LACRT: variants seen among roughly 807,000 people sequenced by gnomAD.
The protein encoded by LACRT is extracellular glycoprotein lacritin.
LACRT carries 14 observed loss-of-function variants against 14.5 expected under a neutral mutation model. The ratio of observed to expected loss-of-function variants is 0.96; its 90% CI spans 0.64 to 1.51. LACRT has a LOEUF of 1.51. Ranked by LOEUF, LACRT falls within the 40% of genes most tolerant of loss-of-function variation. LACRT has a pLI of 0.00. For missense variants in LACRT, 156 were observed against 161.8 expected (o/e 0.96, Z 0.19); for synonymous variants, 70 against 63.5 (o/e 1.10, Z -0.48).
Position 54,632,354 on chromosome 12 carries a change from GGA to G in LACRT, c.138_139del (p.Pro47SerfsTer75). 1 of 1,614,148 alleles carries G rather than the reference GGA, an allele frequency of 6.2e-7. No individual in the cohort carries two copies. The highest frequency in any genetic ancestry group is 8.5e-7 in the Non-Finnish European group (1 of 1,180,012). On this transcript the variant is annotated frameshift_variant, in exon 3 of 5. Transcript: ENST00000257867. LOFTEE classifies it high-confidence loss of function. Reference sequence around the variant, plus strand: ...CTCTGGGGGTGAAGCTGGTTCTGCTGGACCTGAGATCTCTTCATTAGGCTTAG... The same window carrying G: ...CTCTGGGGGTGAAGCTGGTTCTGCTGCCTGAGATCTCTTCATTAGGCTTAG...
chr12:54,630,990 C>G (rs200691817), intron 4 of LACRT, 37 bp from the exon 5 acceptor site: 2 of 1,322,166 alleles, frequency 1.5e-6, no homozygotes, highest in Non-Finnish European at 2.2e-6. Context: ...GCTTTTAGGA[C>G]CCCAGGCACC....
chr12:54,633,724 A>G (rs1958168754), intron 1 of LACRT, among the ~76,000 whole-genome samples: 1 of 152,214 alleles, frequency 6.6e-6, no homozygotes, highest in Non-Finnish European at 1.5e-5. Context: ...AAGAGGGCAG[A>G]CAAGACCCCT....
chr12:54,634,894 A>G lies in LACRT; in HGVS notation c.-53T>C. The G allele has an allele frequency of 6.8e-7, 1 of 1,473,192 alleles. No homozygotes were observed. The highest frequency in any genetic ancestry group is 9.5e-7 in the Non-Finnish European group (1 of 1,052,174). The allele number at this position is 1,473,192 out of a possible 1,614,324, so 91.3% of individuals were successfully genotyped here. A position where few individuals can be genotyped will look rare whatever the true frequency, so the allele number is the denominator to read the frequency against. ...ACAGAATCTGCAGAAGGTCTGGGGA[A>G]TAAGGATGCTGAAATTGCTGGGCCC... On this transcript the variant is annotated 5_prime_UTR_variant, in exon 1 of 5. Transcript: ENST00000257867.
At chr12:54,634,599 G>T (rs1051442005) in intron 1 of LACRT, among the ~76,000 whole-genome samples, 185 bp downstream of exon 1, 2 of 152,164 alleles carry the variant, frequency 1.3e-5, no homozygotes, top group Admixed American at 1.3e-4. Flanking sequence ...AGAGGCCAGA[G>T]AGTTCTGGGT....
At chr12:54,631,871 G>A in intron 3 of LACRT, 32 bp from the exon 4 acceptor site, 1 of 1,496,380 alleles carries the variant, frequency 6.7e-7, no homozygotes, top group South Asian at 1.1e-5. Context: ...CACATCAGCA[G>A]AAAAATCACC....
rs199700623 is a variant in LACRT at position 54,632,287 on chromosome 12, C to T, written c.207G>A (p.Gln69=). 75 of 1,614,006 alleles carry T rather than the reference C, an allele frequency of 4.6e-5. No individual in the cohort carries two copies. The highest frequency in any genetic ancestry group is 5.8e-5 in the Non-Finnish European group (68 of 1,180,022). The change falls in exon 3 of 5, where the codon CAG becomes CAA. Residue 69 remains glutamine, a synonymous_variant. Coordinates refer to ENST00000257867, the MANE Select transcript of LACRT (RefSeq NM_033277.2). ...TAQETSAAAV[Q]GTAKVTSSRQ... ...TGCTTGAGGTGACCTTGGCTGTCCC[C>T]TGAACTGCTGCCGCCGAAGTCTCCT...
In LACRT at chr12:54,631,780, C is replaced by A. The variant is rs779129807; in HGVS notation, c.313G>T (p.Gly105Ter). ...TEQALAKAGK[G>*]MHGGVPGGKQ... ...CCACCTGGCACGCCTCCGTGCATTC[C>A]TTTTCCTGCTTTTGCAAGGGCTTGT... The change falls in exon 4 of 5, where the codon GGA (glycine) becomes TGA (stop). Residue 105 changes from glycine to a stop codon, truncating the protein, a stop_gained. Transcript: ENST00000257867. LOFTEE classifies it low-confidence loss of function (END_TRUNC). The A allele has an allele frequency of 1.2e-6, 2 of 1,614,126 alleles. No homozygotes were observed. The highest frequency in any genetic ancestry group is 2.2e-5 in the South Asian group (2 of 91,084).
chr12:54,632,429 T>G (rs1225050035), intron 2 of LACRT, 48 bp from the exon 3 acceptor site: 1 of 1,607,096 alleles, frequency 6.2e-7, no homozygotes, highest in East Asian at 2.2e-5. Context: ...AAGTGTTTGT[T>G]TCTTTTGGAA....
At chr12:54,634,180 C>T (rs936507425) in intron 1 of LACRT, among the ~76,000 whole-genome samples, 1 of 152,066 alleles carries the variant, frequency 6.6e-6, no homozygotes, top group Non-Finnish European at 1.5e-5. Flanking sequence ...TGGTGAAACA[C>T]CGTCTCTACT....
At chr12:54,632,439 A>G (rs184284714) in intron 2 of LACRT, 58 bp from the exon 3 acceptor site, 72 of 1,601,650 alleles carry the variant, frequency 4.5e-5, no homozygotes, top group Non-Finnish European at 2.6e-6. Context: ...TTCTTTTGGA[A>G]TGGGTTGCAG....
At chr12:54,631,117 G>A (rs1440958981) in intron 4 of LACRT, among the ~76,000 whole-genome samples, 164 bp from the exon 5 acceptor site, 2 of 152,198 alleles carry the variant, frequency 1.3e-5, no homozygotes, top group African/African-American at 4.8e-5. Context: ...AGAGCCTGAA[G>A]GACCTACCCT....
chr12:54,632,517 C>T (rs1358672134), intron 2 of LACRT, 136 bp from the exon 3 acceptor site: 2 of 1,009,054 alleles, frequency 2.0e-6, no homozygotes, highest in Non-Finnish European at 2.9e-6. Flanking sequence ...ACGCTGCCCC[C>T]TTAAGGGAGA....
At chr12:54,632,950 C>T (rs768393634) in intron 2 of LACRT, among the ~76,000 whole-genome samples, 1 of 152,090 alleles carries the variant, frequency 6.6e-6, no homozygotes, top group Non-Finnish European at 1.5e-5. Context: ...ATAACCTTTT[C>T]CCCATGCTCC....
chr12:54,632,991 T>G (rs1294295486), intron 2 of LACRT, among the ~76,000 whole-genome samples, 189 bp downstream of exon 2: 1 of 152,146 alleles, frequency 6.6e-6, no homozygotes, highest in Admixed American at 6.5e-5. Context: ...GGTCATCCTC[T>G]TTTGTCCTTA....
intron 3 of LACRT, 119 bp downstream of exon 3, chr12:54,632,122 T>A: frequency 8.5e-7 from 1 of 1,173,982 alleles, no homozygotes; most frequent in Non-Finnish European, 1.2e-6. Context: ...GCCTTTGTGT[T>A]CAGCTGTTTG....
intron 1 of LACRT, among the ~76,000 whole-genome samples, chr12:54,634,396 C>G (rs1228045280): frequency 6.6e-6 from 1 of 150,922 alleles, no homozygotes; most frequent in African/African-American, 2.4e-5. Flanking sequence ...CTAAGAGACA[C>G]AGCCAGGGGC....
At position 54,633,249 on chromosome 12, in the gene LACRT, C is replaced by T; in HGVS notation, c.59-16G>A. On this transcript the variant is annotated splice_polypyrimidine_tract_variant and intron_variant, in intron 1 of 4. Coordinates refer to ENST00000257867, the MANE Select transcript of LACRT (RefSeq NM_033277.2). ...GAGGCATCTTCTGCAATGGGGGAAACATGCCAGATGAGAGCAAGGACCGAA... is the reference window on the plus strand; with the variant it reads ...GAGGCATCTTCTGCAATGGGGGAAATATGCCAGATGAGAGCAAGGACCGAA... The T allele has an allele frequency of 6.2e-7, 1 of 1,613,134 alleles. No homozygotes were observed. Among genetic ancestry groups the T allele is most frequent in the South Asian group, 1.1e-5 (1 of 90,974 alleles).
In LACRT at chr12:54,631,732, A is replaced by T. The variant is rs1286062829; in HGVS notation, c.355+6T>A. On this transcript the variant is annotated splice_donor_region_variant and intron_variant, in intron 4 of 4. Coordinates refer to ENST00000257867, the MANE Select transcript of LACRT (RefSeq NM_033277.2). ...CCCACAAAGCCTTGCCTTGGGATGC[A>T]CTCACTTTCGATGAATTGTTTTCCA... 1.2e-6 allele frequency: 2 copies of T among 1,605,166 alleles called. No homozygotes were observed. Among genetic ancestry groups the T allele is most frequent in the Non-Finnish European group, 1.7e-6 (2 of 1,171,866 alleles).
chr12:54,631,687 G>T (rs370076433), intron 4 of LACRT, 51 bp downstream of exon 4: 6 of 1,342,292 alleles, frequency 4.5e-6, no homozygotes, highest in African/African-American at 2.9e-5. Flanking sequence ...CCCGGATGGT[G>T]GGTGGTGAGT....
Sources: allele counts gnomAD v4.1 joint callset (sites outside exome capture counted in the v4.1 genomes callset), GRCh38; gene constraint gnomAD v4.1.1; transcripts MANE v1.5; gene names NCBI Gene and HGNC (gene_info 2026-07-23, HGNC 2026-07-21).